The following ADD1 variants were observed in gnomAD, a reference collection of about 807,000 sequenced individuals.
The protein encoded by ADD1 is adducin 1, also known as alpha-adducin.
ADD1 carries 24 observed loss-of-function variants against 80.5 expected under a neutral mutation model. That is an observed-to-expected ratio of 0.30 (90% CI 0.22 to 0.42). The LOEUF is 0.42. Among genes scored for constraint, ADD1 ranks in the 10% least tolerant of loss-of-function variants. ADD1 has a pLI of 1.00. For synonymous variants in ADD1, 373 were observed against 393.8 expected (o/e 0.95, Z 0.63); for missense variants, 948 against 1,019.0 (o/e 0.93, Z 0.95).
intron 9 of ADD1, chr4:2,900,704 A>G (rs1736028386): frequency 6.6e-6 from 1 of 152,232 alleles, no homozygotes; most frequent in South Asian, 2.1e-4. Flanking sequence ...ACTTGGGATG[A>G]ATATTGTCCG....
At chr4:2,880,497 A>G (rs1732111360) in intron 2 of ADD1, among the ~76,000 whole-genome samples, 1 of 78,322 alleles carries the variant, frequency 1.3e-5, no homozygotes, top group South Asian at 4.6e-4. Context: ...TTTTTTTGAG[A>G]CGGAGTCTCG....
chr4:2,862,489 C>T (rs1728953254), intron 1 of ADD1, among the ~76,000 whole-genome samples: 1 of 152,228 alleles, frequency 6.6e-6, no homozygotes, highest in African/African-American at 2.4e-5. Flanking sequence ...CCTTATTCCC[C>T]TCTCCCATTC....
At chr4:2,870,214 A>G (rs749179450) in intron 1 of ADD1, among the ~76,000 whole-genome samples, 3 of 152,232 alleles carry the variant, frequency 2.0e-5, no homozygotes, top group Admixed American at 6.5e-5. Context: ...AGAAGCAAAA[A>G]TTTGTCTGGT....
At position 2,898,442 on chromosome 4, in the gene ADD1, C is replaced by A. The variant is rs1426822500; in HGVS notation, c.895C>A (p.Leu299Ile). 1.2e-6 allele frequency: 2 copies of A among 1,614,104 alleles called. No homozygotes were observed. The highest frequency in any genetic ancestry group is 1.1e-5 in the South Asian group (1 of 91,090). ...NLGPKSKVLI[L>I]RNHGLVSVGE... Reference sequence around the variant, plus strand: ...TCATGCTTCCCCTCAGGTTCTTATTCTCCGGAACCATGGGCTCGTGTCAGT... The same window carrying A: ...TCATGCTTCCCCTCAGGTTCTTATTATCCGGAACCATGGGCTCGTGTCAGT... Residue 299 changes from leucine to isoleucine, a missense_variant, in exon 8 of 16, where the codon CTC becomes ATC. By Grantham distance (5) the Leu-to-Ile change is conservative. Coordinates refer to ENST00000683351, the MANE Select transcript of ADD1 (RefSeq NM_001354761.2).
At chr4:2,910,602 C>T (rs1373018999) in intron 13 of ADD1, among the ~76,000 whole-genome samples, 2 of 151,968 alleles carry the variant, frequency 1.3e-5, no homozygotes, top group African/African-American at 4.8e-5. Context: ...AGCTGGCCTC[C>T]TGTGTAGAGC....
intron 1 of ADD1, among the ~76,000 whole-genome samples, chr4:2,854,126 A>G (rs1727720387): frequency 6.6e-6 from 1 of 152,150 alleles, no homozygotes. Context: ...GTTTGAGACC[A>G]GCTTGGCCGA....
At chr4:2,903,834 G>C (rs1052444890) in intron 9 of ADD1, among the ~76,000 whole-genome samples, 5 of 152,198 alleles carry the variant, frequency 3.3e-5, no homozygotes, top group African/African-American at 9.7e-5. Flanking sequence ...GATGCTGTCT[G>C]TGGGAGGACT....
chr4:2,881,791 C>T (rs1281677195), intron 2 of ADD1, 107 bp from the exon 3 acceptor site: 3 of 862,832 alleles, frequency 3.5e-6, no homozygotes, highest in South Asian at 4.3e-5. Flanking sequence ...TTTGCCTTTC[C>T]AGCACTGGAT....
intron 2 of ADD1, 42 bp from the exon 3 acceptor site, chr4:2,881,856 A>G (rs1732406719): frequency 6.5e-7 from 1 of 1,545,834 alleles, no homozygotes; most frequent in Non-Finnish European, 8.7e-7. Flanking sequence ...CCCAAGGAAC[A>G]GAAAATAAAT....
intron 9 of ADD1, chr4:2,901,419 A>G (rs1196644886): frequency 1.3e-5 from 2 of 152,216 alleles, no homozygotes; most frequent in Non-Finnish European, 2.9e-5. Flanking sequence ...TAGGGAAGGA[A>G]GATAAGGATG....
chr4:2,899,134 C>A (rs2109029196), intron 8 of ADD1, 125 bp from the exon 9 acceptor site: 1 of 983,686 alleles, frequency 1.0e-6, no homozygotes, highest in East Asian at 2.6e-5. Flanking sequence ...ACTATCCATT[C>A]TACATTTTTT....
intron 10 of ADD1, 190 bp from the exon 11 acceptor site, chr4:2,907,553 G>A (rs961164246): frequency 1.1e-5 from 6 of 532,580 alleles, no homozygotes; most frequent in Non-Finnish European, 2.1e-5. Flanking sequence ...AGCATTAACT[G>A]GTCTTTATGT....
chr4:2,874,602 C>T (rs1339403986), intron 1 of ADD1, among the ~76,000 whole-genome samples: 1 of 130,598 alleles, frequency 7.7e-6, no homozygotes, highest in Non-Finnish European at 1.7e-5. Context: ...GTGAGACTGT[C>T]TCAAAAAAAA....
intron 14 of ADD1, among the ~76,000 whole-genome samples, chr4:2,920,405 G>A (rs552245610): frequency 5.9e-5 from 9 of 152,216 alleles, no homozygotes; most frequent in South Asian, 2.1e-4. Context: ...TTTCTGTCTC[G>A]TTGATCTAAT....
intron 1 of ADD1, among the ~76,000 whole-genome samples, chr4:2,865,172 G>GC (rs1553821091): frequency 1.4e-5 from 2 of 142,760 alleles, no homozygotes; most frequent in Non-Finnish European, 3.0e-5. Context: ...ATTTTCTCTT[G>GC]TTTTTTTTTT....
rs192130942 is a variant in ADD1, at chr4:2,865,042, C to G, written c.-20-10854C>G. 1.3e-3 allele frequency among the ~76,000 whole-genome samples: 195 copies of G among 152,314 alleles called. 1 individual carries two copies. In the Middle Eastern group the frequency reaches 0.024, roughly 19 times the overall value. ...CCACCCAGCTCCCTGTTCCTCCTTA[C>G]AAGTAAATCACCATTGTAAGTTGTA... On this transcript the variant is annotated intron_variant, in intron 1 of 15. Transcript: ENST00000683351.
chr4:2,899,049 C>T, intron 8 of ADD1: 1 of 567,788 alleles, frequency 1.8e-6, no homozygotes, highest in Non-Finnish European at 3.1e-6. Context: ...TCTCATTTCT[C>T]TGCCAACTTT....
intron 14 of ADD1, among the ~76,000 whole-genome samples, chr4:2,919,142 T>C (rs1217808009): frequency 6.6e-6 from 1 of 152,198 alleles, no homozygotes; most frequent in African/African-American, 2.4e-5. Context: ...CCTGGTTGAT[T>C]TGCATATGTT....
At chr4:2,894,753 A>C in intron 6 of ADD1, 22 bp downstream of exon 6, 1 of 1,583,490 alleles carries the variant, frequency 6.3e-7, no homozygotes, top group Non-Finnish European at 8.5e-7. Flanking sequence ...CCCTGGTAGC[A>C]TCTCAAGGTC....
Sources: gnomAD v4.1 joint callset for allele counts (sites outside exome capture counted in the v4.1 genomes callset) on GRCh38, gnomAD v4.1.1 for gene constraint, MANE v1.5 for transcripts, NCBI Gene and HGNC (gene_info 2026-07-23, HGNC 2026-07-21) for gene names.